Variants in ANK3 observed in about 807,000 individuals in gnomAD.
ANK3 encodes the protein ankyrin 3.
Under a neutral mutation model 370.9 loss-of-function variants are expected in ANK3, and 57 were observed. The ratio of observed to expected loss-of-function variants is 0.15; its 90% CI spans 0.12 to 0.19. The LOEUF is 0.19. Ranked by LOEUF, ANK3 falls within the 10% of genes least tolerant of loss-of-function variation. The pLI is 1.00. For synonymous variants in ANK3, 1,929 were observed against 1,946.3 expected (o/e 0.99, Z 0.23); for missense variants, 4,439 against 5,302.1 (o/e 0.84, Z 5.06).
intron 2 of ANK3, among the ~76,000 whole-genome samples, chr10:60,496,824 GAGGC>G (rs1162936608): frequency 4.6e-5 from 7 of 151,728 alleles, no homozygotes; most frequent in Admixed American, 6.6e-5. Context: ...AGGTAGGTCA[GAGGC>G]AGGTGGGAGA....
chr10:60,508,420 G>A (rs925262193), intron 2 of ANK3: 15 of 152,656 alleles, frequency 9.8e-5, no homozygotes, highest in African/African-American at 3.6e-4. Context: ...GGAATGAAGG[G>A]AGGGGGCAAC....
At chr10:60,257,441 T>C (rs556675832) in intron 7 of ANK3, among the ~76,000 whole-genome samples, 2 of 152,324 alleles carry the variant, frequency 1.3e-5, no homozygotes, top group South Asian at 2.1e-4. Context: ...GTTATAGCAG[T>C]CATAGGCAGT....
chr10:60,461,997 A>G (rs1307330777), intron 2 of ANK3, among the ~76,000 whole-genome samples: 1 of 152,196 alleles, frequency 6.6e-6, no homozygotes, highest in Non-Finnish European at 1.5e-5. Context: ...GAACAATGGA[A>G]GTACAGGTTT....
chr10:60,460,430 A>G (rs902296098), intron 2 of ANK3, among the ~76,000 whole-genome samples: 1 of 152,176 alleles, frequency 6.6e-6, no homozygotes, highest in Non-Finnish European at 1.5e-5. Context: ...AGCCAAACAG[A>G]TACATTTTTC....
At chr10:60,163,905 C>A (rs2095558049) in intron 23 of ANK3, among the ~76,000 whole-genome samples, 1 of 152,104 alleles carries the variant, frequency 6.6e-6, no homozygotes, top group African/African-American at 2.4e-5. Context: ...ATGTGATGAT[C>A]TCTCACTAGT....
At chr10:60,403,648 C>T (rs552997779) in intron 2 of ANK3, among the ~76,000 whole-genome samples, 12 of 152,124 alleles carry the variant, frequency 7.9e-5, no homozygotes, top group South Asian at 2.1e-4. Context: ...AGTGCAGCGG[C>T]GCGATCTCGG....
chr10:60,453,512 C>T (rs2064664735), intron 2 of ANK3, among the ~76,000 whole-genome samples: 1 of 152,182 alleles, frequency 6.6e-6, no homozygotes, highest in Admixed American at 6.5e-5. Context: ...ACAAAATCCT[C>T]CATGTCTTAG....
intron 18 of ANK3, among the ~76,000 whole-genome samples, chr10:60,176,448 G>A (rs151175102): frequency 1.5e-4 from 22 of 151,254 alleles, no homozygotes; most frequent in African/African-American, 3.6e-4. Flanking sequence ...AGCCTATTCC[G>A]CTTCTGATAC....
chr10:60,189,309 A>G (rs2096420905), intron 16 of ANK3, among the ~76,000 whole-genome samples: 2 of 152,232 alleles, frequency 1.3e-5, no homozygotes, highest in Non-Finnish European at 2.9e-5. Context: ...CCTGGGCAAC[A>G]TAGGGAGAGC....
chr10:60,716,254 A>G (rs2079786601), intron 1 of ANK3, among the ~76,000 whole-genome samples: 1 of 152,144 alleles, frequency 6.6e-6, no homozygotes, highest in Admixed American at 6.5e-5. Context: ...TCTCAAGAAA[A>G]ACTGCTTAGG....
chr10:60,413,724 G>A (rs2063605233), intron 2 of ANK3, among the ~76,000 whole-genome samples: 1 of 152,188 alleles, frequency 6.6e-6, no homozygotes, highest in South Asian at 2.1e-4. Flanking sequence ...GTGGGCTGTA[G>A]TGACTCATGC....
At chr10:60,111,589 T>G (rs1249877692) in intron 26 of ANK3, 1 of 286,804 alleles carries the variant, frequency 3.5e-6, no homozygotes, top group East Asian at 8.1e-5. Context: ...ATCCTAAAAC[T>G]AATACATGAA....
chr10:60,277,971 CA>C (rs1433195571), intron 4 of ANK3, among the ~76,000 whole-genome samples: 2 of 152,118 alleles, frequency 1.3e-5, no homozygotes, highest in African/African-American at 4.8e-5. Flanking sequence ...TGTGGAGACT[CA>C]AATAATGAAT....
At chr10:60,611,919 C>T (rs1567179000) in intron 2 of ANK3, among the ~76,000 whole-genome samples, 2 of 151,632 alleles carry the variant, frequency 1.3e-5, no homozygotes, top group Non-Finnish European at 2.9e-5. Context: ...GGGAAAGAAT[C>T]AGATACTACA....
At chr10:60,223,461 T>C (rs2097094133) in intron 8 of ANK3, among the ~76,000 whole-genome samples, 1 of 152,140 alleles carries the variant, frequency 6.6e-6, no homozygotes, top group Non-Finnish European at 1.5e-5. Flanking sequence ...TTAACACTAG[T>C]TTATCTCTGA....
intron 13 of ANK3, 132 bp from the exon 14 acceptor site, chr10:60,198,669 C>T (rs531225621): frequency 4.0e-6 from 3 of 753,760 alleles, no homozygotes; most frequent in Non-Finnish European, 4.5e-6. Context: ...TAAAAAAACT[C>T]ATTTGTCTTT....
At position 60,074,768 on chromosome 10, in the gene ANK3, G is replaced by C; in HGVS notation, c.6113C>G (p.Thr2038Arg). 1 of 1,614,056 alleles carries C rather than the reference G, an allele frequency of 6.2e-7. No homozygotes were observed. Among genetic ancestry groups the C allele is most frequent in the Non-Finnish European group, 8.5e-7 (1 of 1,179,992 alleles). Residue 2038 changes from threonine (T) to arginine (R), a missense_variant, in exon 37 of 44, where the codon ACA (threonine) becomes AGA (arginine). Thr to Arg is a moderately conservative substitution (Grantham distance 71). Transcript: ENST00000280772. ...CAGTGAACTACTCCCAATATCATTT[G>C]TTAGGTAATCAATAACTTTGGTCAA... ...YNLTKVIDYLTNDIGSSSLTN... is the reference protein window; with the variant it reads ...YNLTKVIDYLRNDIGSSSLTN...
At chr10:60,158,641 A>G (rs921559733) in intron 23 of ANK3, among the ~76,000 whole-genome samples, 4 of 151,396 alleles carry the variant, frequency 2.6e-5, no homozygotes, top group Admixed American at 1.3e-4. Flanking sequence ...ACAAAATATT[A>G]AAAGCAAGAA....
At chr10:60,143,075 C>T (rs2094638319) in intron 23 of ANK3, among the ~76,000 whole-genome samples, 1 of 152,108 alleles carries the variant, frequency 6.6e-6, no homozygotes, top group Non-Finnish European at 1.5e-5. Flanking sequence ...ACAATTTTTT[C>T]CAATGCCCAA....
Sources: gnomAD v4.1 joint callset for allele counts (sites outside exome capture counted in the v4.1 genomes callset) on GRCh38, gnomAD v4.1.1 for gene constraint, MANE v1.5 for transcripts, NCBI Gene and HGNC (gene_info 2026-07-23, HGNC 2026-07-21) for gene names.